PRLR: variants seen among roughly 807,000 people sequenced by gnomAD.
PRLR encodes the protein hPRL receptor.
A neutral mutation model predicts 40.2 loss-of-function variants in PRLR; 13 were observed. That is an observed-to-expected ratio of 0.32 (90% CI 0.21 to 0.51). The LOEUF (loss-of-function observed/expected upper bound fraction) is 0.51. Among genes scored for constraint, PRLR ranks in the 20% least tolerant of loss-of-function variants. The probability of loss-of-function intolerance (pLI) is 0.97; values close to 1 mark genes in which losing one functional copy is unlikely to be tolerated. For missense variants in PRLR, 656 were observed against 747.3 expected, an observed-to-expected ratio of 0.88 and a Z score of 1.42; for synonymous variants, 269 against 278.7, an observed-to-expected ratio of 0.97 and a Z score of 0.35.
intron 1 of PRLR, among the ~76,000 whole-genome samples, chr5:35,130,668 T>C (rs1360552842): frequency 6.6e-6 from 1 of 152,168 alleles, no homozygotes; most frequent in African/African-American, 2.4e-5. Flanking sequence ...TGTCATTTGT[T>C]TGGATGGTGT....
intron 1 of PRLR, among the ~76,000 whole-genome samples, chr5:35,167,898 A>C (rs1273170965): frequency 6.6e-6 from 1 of 152,186 alleles, no homozygotes; most frequent in African/African-American, 2.4e-5. Flanking sequence ...AATAGGTGAG[A>C]CAACAGAAAA....
intron 1 of PRLR, among the ~76,000 whole-genome samples, chr5:35,180,256 C>G (rs1775258521): frequency 6.6e-6 from 1 of 152,178 alleles, no homozygotes; most frequent in East Asian, 1.9e-4. Flanking sequence ...CACTCACCTC[C>G]TGCTGTGTGG....
At chr5:35,076,258 A>T (rs1770089467) in intron 5 of PRLR, among the ~76,000 whole-genome samples, 1 of 152,230 alleles carries the variant, frequency 6.6e-6, no homozygotes, top group Non-Finnish European at 1.5e-5. Flanking sequence ...GAGCTAAAGG[A>T]GGATGTTTGA....
At chr5:35,102,486 G>GTCTCCTCTCCCCTCCTCTCC (rs1429962157) in intron 2 of PRLR, among the ~76,000 whole-genome samples, 2 of 89,396 alleles carry the variant, frequency 2.2e-5, no homozygotes, top group African/African-American at 8.5e-5. Context: ...GTCCCGTCCC[G>GTCTCCTCTCCCCTCCTCTCC]TCTCCTCTCC....
At chr5:35,197,491 T>C (rs1775768400) in intron 1 of PRLR, among the ~76,000 whole-genome samples, 2 of 152,210 alleles carry the variant, frequency 1.3e-5, no homozygotes, top group African/African-American at 4.8e-5. Flanking sequence ...GGTGAATGAC[T>C]GAAGCTCAGC....
intron 2 of PRLR, among the ~76,000 whole-genome samples, chr5:35,117,480 C>T (rs1773092993): frequency 6.6e-6 from 1 of 152,134 alleles, no homozygotes; most frequent in Admixed American, 6.5e-5. Flanking sequence ...GTTTCTCCAT[C>T]TGTAAAATGG....
Position 35,068,995 on chromosome 5 carries a change from G to T in PRLR, c.686-117C>A, listed in dbSNP as rs1337550706. The T allele has an allele frequency of 6.0e-6, 4 of 669,478 alleles. No individual in the cohort carries two copies. In the South Asian group the frequency reaches 6.8e-5, roughly 11 times the overall value. The allele number at this position is 669,478 out of a possible 1,614,324, so 41.5% of individuals were successfully genotyped here. On this transcript the variant is annotated intron_variant, in intron 7 of 9. Coordinates refer to ENST00000618457, the MANE Select transcript of PRLR (RefSeq NM_000949.7). The stretch of plus-strand genomic sequence containing the variant: ...TTTTCCTCCATTCATATATTTTTTT[G>T]ATTTGAACAGCAATCCAAAGTATCA...
chr5:35,208,087 C>A (rs1182810570), intron 1 of PRLR, among the ~76,000 whole-genome samples: 1 of 152,022 alleles, frequency 6.6e-6, no homozygotes, highest in East Asian at 1.9e-4. Flanking sequence ...ACATCATTGT[C>A]TTTCTCTCGG....
chr5:35,155,141 C>A (rs1774451353), intron 1 of PRLR, among the ~76,000 whole-genome samples: 1 of 152,080 alleles, frequency 6.6e-6, no homozygotes, highest in East Asian at 1.9e-4. Flanking sequence ...TACCCCTGAA[C>A]TTAAAATAAA....
Position 35,049,180 on chromosome 5 carries a change from G to C in PRLR, c.*107C>G, listed in dbSNP as rs148997013. On this transcript the variant is annotated 3_prime_UTR_variant, in exon 9 of 9. Transcript: ENST00000231423. ...TGCTGCAGGAGTAATCCAAGTCAGT[G>C]AGGCCAGTGGACACACAGCATCTCC... The C allele has an allele frequency of 1.4e-3, 949 of 700,372 alleles. 7 individuals carry two copies. Among genetic ancestry groups the C allele is most frequent in the South Asian group, 6.1e-3 (408 of 66,932 alleles). The allele number at this position is 700,372 out of a possible 1,614,324, so 43.4% of individuals were successfully genotyped here. A position where few individuals can be genotyped will look rare whatever the true frequency, so the allele number is the denominator to read the frequency against.
chr5:35,060,680 G>A lies in PRLR; in HGVS notation c.*4409C>T, dbSNP rs1768984405. ...TCACTGTCTCAGTGACAGCATTATT[G>A]TGCTTGAGCCAAAAAGGAAGAAAAG... On this transcript the variant is annotated 3_prime_UTR_variant, in exon 10 of 10. Transcript: ENST00000618457. 6.6e-6 allele frequency: 1 copy of A among 152,176 alleles called. No individual in the cohort carries two copies. Among genetic ancestry groups the A allele is most frequent in the Non-Finnish European group, 1.5e-5 (1 of 68,030 alleles). The allele number at this position is 152,176 out of a possible 1,614,324, so 9.4% of individuals were successfully genotyped here.
chr5:35,104,046 AC>A (rs1358177732), intron 2 of PRLR, among the ~76,000 whole-genome samples: 1 of 152,076 alleles, frequency 6.6e-6, no homozygotes, highest in Non-Finnish European at 1.5e-5. Context: ...GATTGTGTTC[AC>A]TTTTATATCC....
At chr5:35,126,101 T>C (rs1773453146) in intron 1 of PRLR, among the ~76,000 whole-genome samples, 1 of 152,186 alleles carries the variant, frequency 6.6e-6, no homozygotes, top group Admixed American at 6.6e-5. Context: ...GTTTACTCAT[T>C]TTTCCCAAGG....
intron 2 of PRLR, among the ~76,000 whole-genome samples, chr5:35,100,785 C>A (rs189964594): frequency 1.7e-3 from 265 of 152,310 alleles, no homozygotes; most frequent in Middle Eastern, 6.8e-3. Flanking sequence ...CCCTCTATTT[C>A]TCTCTCCTCC....
chr5:35,183,265 T>TATCTGTCCATTAAAGAACATGTC (rs1361115802), intron 1 of PRLR, among the ~76,000 whole-genome samples: 1 of 152,218 alleles, frequency 6.6e-6, no homozygotes, highest in African/African-American at 2.4e-5. Flanking sequence ...CCTGCTTTCA[T>TATCTGTCCATTAAAGAACATGTC]ATGACAGTCC....
chr5:35,196,733 G>A (rs942725299), intron 1 of PRLR, among the ~76,000 whole-genome samples: 3 of 152,348 alleles, frequency 2.0e-5, no homozygotes, highest in Admixed American at 6.5e-5. Context: ...GACCTTCCCC[G>A]AAGGAATCGT....
rs1275029296 is a variant in PRLR, at chr5:35,063,088, G to A, written c.*2001C>T. On this transcript the variant is annotated 3_prime_UTR_variant, in exon 10 of 10. Coordinates refer to ENST00000618457, the MANE Select transcript of PRLR (RefSeq NM_000949.7). ...TCTGCAAATGGAATTTTCAAACACT[G>A]CCCAGGTGATGCCTATGCAGTTGGT... is the stretch of plus-strand genomic sequence containing the variant. 5.3e-5 allele frequency: 8 copies of A among 152,222 alleles called. No individual in the cohort carries two copies. The highest frequency in any genetic ancestry group is 1.9e-4 in the African/African-American group (8 of 41,460). The allele number at this position is 152,222 out of a possible 1,614,324, so 9.4% of individuals were successfully genotyped here. A position where few individuals can be genotyped will look rare whatever the true frequency, so the allele number is the denominator to read the frequency against.
chr5:35,104,249 G>T (rs1388312460), intron 2 of PRLR, among the ~76,000 whole-genome samples: 3 of 152,142 alleles, frequency 2.0e-5, no homozygotes, highest in African/African-American at 7.2e-5. Flanking sequence ...TAAGAGCAAG[G>T]ATAGGGGTTC....
At chr5:35,120,914 T>C (rs1266923956) in intron 1 of PRLR, among the ~76,000 whole-genome samples, 3 of 152,222 alleles carry the variant, frequency 2.0e-5, no homozygotes, top group African/African-American at 2.4e-5. Context: ...GTTACTGTAG[T>C]ACAAAAGCAG....
Sources: allele counts gnomAD v4.1 joint callset (sites outside exome capture counted in the v4.1 genomes callset), GRCh38; gene constraint gnomAD v4.1.1; transcripts MANE v1.5; gene names NCBI Gene and HGNC (gene_info 2026-07-23, HGNC 2026-07-21).